NEGR1: variants seen among roughly 807,000 people sequenced by gnomAD.
The protein encoded by NEGR1 is neuronal growth regulator 1.
Under a neutral mutation model 40.9 loss-of-function variants are expected in NEGR1, and 10 were observed. The ratio of observed to expected loss-of-function variants is 0.24; its 90% CI spans 0.15 to 0.42. The LOEUF (loss-of-function observed/expected upper bound fraction) is 0.42, where lower values mean the gene tolerates loss of function less well. Among genes scored for constraint, NEGR1 ranks in the 10% least tolerant of loss-of-function variants. The pLI, the probability that NEGR1 is intolerant of heterozygous loss-of-function variation, is 1.00. For missense variants in NEGR1, 352 were observed against 438.9 expected (o/e 0.80, Z 1.77); for synonymous variants, 185 against 166.8 (o/e 1.11, Z -0.84).
chr1:72,142,617 T>C (rs761641140), intron 1 of NEGR1, among the ~76,000 whole-genome samples: 42 of 152,068 alleles, frequency 2.8e-4, no homozygotes, highest in Non-Finnish European at 3.1e-4. Context: ...CATACCCTCA[T>C]ATATCTTGTC....
chr1:71,600,654 C>A (rs1265431354), intron 5 of NEGR1, among the ~76,000 whole-genome samples: 1 of 152,198 alleles, frequency 6.6e-6, no homozygotes, highest in Admixed American at 6.5e-5. Context: ...ATAGCCACAG[C>A]TCCTGTTGTG....
intron 1 of NEGR1, among the ~76,000 whole-genome samples, chr1:72,192,522 T>C (rs1184698832): frequency 6.6e-6 from 1 of 151,848 alleles, no homozygotes; most frequent in African/African-American, 2.4e-5. Flanking sequence ...AAGGTAATGA[T>C]AGTGCTAATT....
At chr1:72,183,464 A>G (rs549003317) in intron 1 of NEGR1, among the ~76,000 whole-genome samples, 2 of 152,118 alleles carry the variant, frequency 1.3e-5, no homozygotes, top group African/African-American at 2.4e-5. Context: ...TCAGATGAGT[A>G]TAAGTGCCTA....
intron 1 of NEGR1, among the ~76,000 whole-genome samples, chr1:72,105,764 G>C (rs1033100059): frequency 6.6e-6 from 1 of 151,856 alleles, no homozygotes; most frequent in African/African-American, 2.4e-5. Flanking sequence ...AAAGGAAGGA[G>C]GAAAGATGGA....
intron 1 of NEGR1, among the ~76,000 whole-genome samples, chr1:72,134,916 T>C (rs1650394044): frequency 6.6e-6 from 1 of 150,950 alleles, no homozygotes; most frequent in South Asian, 2.1e-4. Context: ...TTTGTATTTT[T>C]AGTAGAGACG....
At chr1:71,755,902 G>A (rs935906513) in intron 3 of NEGR1, among the ~76,000 whole-genome samples, 3 of 152,092 alleles carry the variant, frequency 2.0e-5, no homozygotes, top group Non-Finnish European at 2.9e-5. Context: ...GAAAACAGAT[G>A]TAAAATAAAT....
At chr1:71,579,396 A>G (rs887112973) in intron 6 of NEGR1, among the ~76,000 whole-genome samples, 1 of 152,192 alleles carries the variant, frequency 6.6e-6, no homozygotes, top group Non-Finnish European at 1.5e-5. Context: ...CCAACACAGC[A>G]TGAGACTAGG....
chr1:71,535,735 G>A lies in NEGR1; in HGVS notation c.940+57082C>T, dbSNP rs1033517274. 2.6e-5 allele frequency among the ~76,000 whole-genome samples: 4 copies of A among 151,656 alleles called. 1 individual carries two copies. The highest frequency in any genetic ancestry group is 7.3e-5 in the African/African-American group (3 of 41,378). Reference sequence around the variant, plus strand: ...GAGATTTGGAAAAGCTGGTGCTACAGGCAGTAGATGATGACAGTCAGCTAG... The same window carrying A: ...GAGATTTGGAAAAGCTGGTGCTACAAGCAGTAGATGATGACAGTCAGCTAG... On this transcript the variant is annotated intron_variant, in intron 6 of 6. Transcript: ENST00000357731.
At chr1:72,046,269 A>G (rs1433809338) in intron 1 of NEGR1, among the ~76,000 whole-genome samples, 8 of 151,728 alleles carry the variant, frequency 5.3e-5, no homozygotes, top group Non-Finnish European at 1.0e-4. Context: ...CACTTATAGG[A>G]TGAAATGATA....
At chr1:72,251,247 T>C (rs1448712581) in intron 1 of NEGR1, among the ~76,000 whole-genome samples, 8 of 152,220 alleles carry the variant, frequency 5.3e-5, no homozygotes, top group African/African-American at 9.6e-5. Flanking sequence ...TAATCCACCA[T>C]GTATTTTTCT....
At chr1:71,754,101 G>A (rs1655654999) in intron 3 of NEGR1, among the ~76,000 whole-genome samples, 1 of 151,850 alleles carries the variant, frequency 6.6e-6, no homozygotes, top group Non-Finnish European at 1.5e-5. Flanking sequence ...TTTCCTGAAA[G>A]AGCTGCCACT....
chr1:71,655,526 A>G lies in NEGR1; in HGVS notation c.667+42482T>C, dbSNP rs149406168. Reference sequence around the variant, plus strand: ...CCTTTAGTACTGGGAATTCCCTAGCATTAATATAAACAAATGCAGAATAAA... The same window carrying G: ...CCTTTAGTACTGGGAATTCCCTAGCGTTAATATAAACAAATGCAGAATAAA... On this transcript the variant is annotated intron_variant, in intron 4 of 6. Coordinates refer to ENST00000357731, the MANE Select transcript of NEGR1 (RefSeq NM_173808.3). Among the ~76,000 whole-genome samples, 4 of 152,314 alleles carry G rather than the reference A, an allele frequency of 2.6e-5. No homozygotes were observed. The East Asian group carries it at 7.7e-4, about 29-fold the overall frequency.
chr1:71,919,516 A>C (rs1244612182), intron 2 of NEGR1, among the ~76,000 whole-genome samples: 1 of 140,160 alleles, frequency 7.1e-6, no homozygotes, highest in Non-Finnish European at 1.5e-5. Flanking sequence ...TTTTTTTAGC[A>C]TCAGGAACTT....
rs7547216 is a variant in NEGR1, at chr1:72,037,182, C to T, written c.177-101871G>A. 1.2e-4 allele frequency among the ~76,000 whole-genome samples: 18 copies of T among 152,130 alleles called. No homozygotes were observed. The South Asian group carries it at 3.7e-3, about 32-fold the overall frequency. ...ATTTTTAAGTATAAAATTTAGGAAA[C>T]AGTGAGACTGACTCTGTACTATAGA... On this transcript the variant is annotated intron_variant, in intron 1 of 6. Transcript: ENST00000357731.
intron 1 of NEGR1, among the ~76,000 whole-genome samples, chr1:72,088,040 C>T (rs566333394): frequency 6.6e-6 from 1 of 152,286 alleles, no homozygotes; most frequent in Non-Finnish European, 1.5e-5. Flanking sequence ...AGGTATAAAT[C>T]TAAAAAGTTT....
intron 1 of NEGR1, among the ~76,000 whole-genome samples, chr1:72,032,714 C>A (rs754905740): frequency 5.3e-5 from 8 of 152,130 alleles, no homozygotes; most frequent in Non-Finnish European, 1.0e-4. Context: ...GCTTCTCTAA[C>A]ATACATCTTC....
At chr1:71,494,700 T>A (rs1382339281) in intron 6 of NEGR1, among the ~76,000 whole-genome samples, 1 of 152,152 alleles carries the variant, frequency 6.6e-6, no homozygotes, top group Non-Finnish European at 1.5e-5. Flanking sequence ...GACCGTCTTG[T>A]GGGGAGAATT....
intron 2 of NEGR1, among the ~76,000 whole-genome samples, chr1:71,913,179 G>A (rs945046486): frequency 1.8e-4 from 28 of 152,112 alleles, no homozygotes; most frequent in African/African-American, 6.3e-4. Flanking sequence ...GCAGTGGCGC[G>A]ATCTCAGCTC....
chr1:72,260,977 CTAGA>C (rs1383020807), intron 1 of NEGR1, among the ~76,000 whole-genome samples: 1 of 151,828 alleles, frequency 6.6e-6, no homozygotes, highest in Non-Finnish European at 1.5e-5. Context: ...CTGAAATATT[CTAGA>C]TATAGTTATG....
Sources: gnomAD v4.1 joint callset for allele counts (sites outside exome capture counted in the v4.1 genomes callset) on GRCh38, gnomAD v4.1.1 for gene constraint, MANE v1.5 for transcripts, NCBI Gene and HGNC (gene_info 2026-07-23, HGNC 2026-07-21) for gene names.